DLGAP1: variants seen among roughly 807,000 people sequenced by gnomAD.
The protein encoded by DLGAP1 is disks large-associated protein 1.
DLGAP1 carries 11 observed loss-of-function variants against 90.8 expected under a neutral mutation model. That is an observed-to-expected ratio of 0.12 (90% CI 0.08 to 0.20). The LOEUF is 0.20. Ranked by LOEUF, DLGAP1 falls within the 10% of genes least tolerant of loss-of-function variation. The pLI, the probability that DLGAP1 is intolerant of heterozygous loss-of-function variation, is 1.00. For missense variants in DLGAP1, 1,050 were observed against 1,333.8 expected (o/e 0.79, Z 3.31); for synonymous variants, 558 against 540.7 (o/e 1.03, Z -0.44).
At chr18:4,299,999 C>CA (rs34251723) in intron 1 of DLGAP1, among the ~76,000 whole-genome samples, 1 of 151,858 alleles carries the variant, frequency 6.6e-6, no homozygotes, top group Non-Finnish European at 1.5e-5. Context: ...TTAGAATATC[C>CA]AAAAAAAAGC....
At chr18:4,301,203 C>T (rs1208003400) in intron 1 of DLGAP1, among the ~76,000 whole-genome samples, 1 of 152,060 alleles carries the variant, frequency 6.6e-6, no homozygotes, top group Non-Finnish European at 1.5e-5. Context: ...ATTCACGATG[C>T]TATGCAATAA....
chr18:4,130,743 A>G (rs2076301312), intron 2 of DLGAP1, among the ~76,000 whole-genome samples: 1 of 152,128 alleles, frequency 6.6e-6, no homozygotes, highest in Non-Finnish European at 1.5e-5. Flanking sequence ...CATCACAGAG[A>G]AAGAGCCGAG....
At chr18:4,117,261 T>A (rs560819868) in intron 2 of DLGAP1, among the ~76,000 whole-genome samples, 1 of 152,356 alleles carries the variant, frequency 6.6e-6, no homozygotes, top group African/African-American at 2.4e-5. Context: ...TTCTATTGTT[T>A]AAGCCACATA....
intron 3 of DLGAP1, among the ~76,000 whole-genome samples, chr18:4,000,995 C>A (rs1447433676): frequency 6.6e-6 from 1 of 151,986 alleles, no homozygotes; most frequent in Non-Finnish European, 1.5e-5. Flanking sequence ...AATATTTGTT[C>A]TTTCATTACA....
At chr18:3,917,798 T>C (rs1320728612) in intron 3 of DLGAP1, among the ~76,000 whole-genome samples, 1 of 152,168 alleles carries the variant, frequency 6.6e-6, no homozygotes, top group Non-Finnish European at 1.5e-5. Flanking sequence ...TTTGCTTATA[T>C]TGTGAAAATT....
chr18:3,729,702 A>C lies in DLGAP1; in HGVS notation c.1351-327T>G, dbSNP rs972995859. ...GGGATTACAGGCATGAGCTACCACC[A>C]CCAGCCGTGATTACATTTTAAAGAA... On this transcript the variant is annotated intron_variant, in intron 6 of 12. Transcript: ENST00000315677. The surrounding 1 kb of genome is among the most constrained non-coding windows in gnomAD (Gnocchi z 6.2). 1.2e-4 allele frequency among the ~76,000 whole-genome samples: 19 copies of C among 152,010 alleles called. No individual in the cohort carries two copies. Among genetic ancestry groups the C allele is most frequent in the African/African-American group, 4.6e-4 (19 of 41,388 alleles).
At chr18:3,748,040 C>T (rs1178458080) in intron 5 of DLGAP1, among the ~76,000 whole-genome samples, 1 of 152,210 alleles carries the variant, frequency 6.6e-6, no homozygotes, top group Non-Finnish European at 1.5e-5. Context: ...GAAACATTAA[C>T]TCTCTCATGT....
At chr18:4,193,648 CA>C (rs1259245326) in intron 1 of DLGAP1, among the ~76,000 whole-genome samples, 2 of 152,148 alleles carry the variant, frequency 1.3e-5, no homozygotes, top group African/African-American at 4.8e-5. Context: ...TAAATGGATA[CA>C]TTTTTTATGG....
In DLGAP1 at chr18:4,059,376, C is replaced by A. The variant is rs560880670; in HGVS notation, c.-158-54175G>T. On this transcript the variant is annotated intron_variant, in intron 2 of 12. Transcript: ENST00000315677. Reference sequence around the variant, plus strand: ...AGAATTGGGAAAAGTTTGATTTCCCCAAACCTTAAAACAAAAAAAAACTAG... The same window carrying A: ...AGAATTGGGAAAAGTTTGATTTCCCAAAACCTTAAAACAAAAAAAAACTAG... Among the ~76,000 whole-genome samples, 5 of 152,224 alleles carry A rather than the reference C, an allele frequency of 3.3e-5. No individual in the cohort carries two copies. In the South Asian group the frequency reaches 1.0e-3, roughly 32 times the overall value.
chr18:4,181,133 A>AGG, intron 1 of DLGAP1, among the ~76,000 whole-genome samples: 1 of 152,318 alleles, frequency 6.6e-6, no homozygotes, highest in East Asian at 1.9e-4. Flanking sequence ...TCTTTTATAA[A>AGG]ATAGAGTCCT....
chr18:4,323,694 A>C (rs1353038136), intron 1 of DLGAP1, among the ~76,000 whole-genome samples: 3 of 152,208 alleles, frequency 2.0e-5, no homozygotes, highest in Non-Finnish European at 4.4e-5. Context: ...ATGGCAAAAT[A>C]AAAATAAAAA....
intron 10 of DLGAP1, among the ~76,000 whole-genome samples, chr18:3,525,815 T>G (rs983318204): frequency 1.3e-5 from 2 of 152,226 alleles, no homozygotes; most frequent in African/African-American, 4.8e-5. Flanking sequence ...ACCACTGGCC[T>G]AGGAACAGAT....
At chr18:3,995,417 C>G (rs1029475703) in intron 3 of DLGAP1, 6 of 152,154 alleles carry the variant, frequency 3.9e-5, no homozygotes. Flanking sequence ...TGGCAATGCT[C>G]TACTCTTTTG....
chr18:4,185,624 C>T (rs1218358914), intron 1 of DLGAP1, among the ~76,000 whole-genome samples: 3 of 151,990 alleles, frequency 2.0e-5, no homozygotes, highest in African/African-American at 4.8e-5. Context: ...CCATGGTGTA[C>T]ATGTACCACA....
chr18:4,313,082 G>C (rs531290681), intron 1 of DLGAP1, among the ~76,000 whole-genome samples: 6 of 152,238 alleles, frequency 3.9e-5, no homozygotes, highest in African/African-American at 1.4e-4. Context: ...CATGTTTTCT[G>C]CAAGTCATAT....
intron 1 of DLGAP1, among the ~76,000 whole-genome samples, chr18:4,447,455 C>T (rs538838157): frequency 2.0e-5 from 3 of 152,176 alleles, no homozygotes; most frequent in South Asian, 4.1e-4. Context: ...CACATACATA[C>T]ATAGCAAAGA....
intron 7 of DLGAP1, among the ~76,000 whole-genome samples, chr18:3,591,379 G>C (rs1171210404): frequency 6.6e-6 from 1 of 152,098 alleles, no homozygotes; most frequent in African/African-American, 2.4e-5. Flanking sequence ...TTCAGGAAAG[G>C]CATGTAGGAT....
chr18:4,352,737 C>T (rs2081427551), intron 1 of DLGAP1, among the ~76,000 whole-genome samples: 1 of 152,120 alleles, frequency 6.6e-6, no homozygotes, highest in South Asian at 2.1e-4. Flanking sequence ...TCACTCTTGC[C>T]TTATGCCCTT....
intron 1 of DLGAP1, among the ~76,000 whole-genome samples, chr18:4,426,497 A>C (rs1257725384): frequency 6.6e-6 from 1 of 152,214 alleles, no homozygotes; most frequent in Non-Finnish European, 1.5e-5. Flanking sequence ...AACATGTGTC[A>C]TATTGATAAG....
Sources: allele counts gnomAD v4.1 joint callset (sites outside exome capture counted in the v4.1 genomes callset), GRCh38; gene constraint gnomAD v4.1.1; non-coding constraint Gnocchi (gnomAD v3.1); transcripts MANE v1.5; gene names NCBI Gene and HGNC (gene_info 2026-07-23, HGNC 2026-07-21).